The following TPRX1 variants were observed in gnomAD, a reference collection of about 807,000 sequenced individuals.
The protein encoded by TPRX1 is tetrapeptide repeat homeobox 1, also known as tetra-peptide repeat homeobox protein 1.
In TPRX1, 2 loss-of-function variants were observed where a neutral mutation model predicts 8.1. The observed-to-expected ratio is 0.25, with a 90% CI of 0.10 to 0.78. TPRX1 has a LOEUF of 0.78. Among genes scored for constraint, TPRX1 ranks in the 30% least tolerant of loss-of-function variants. TPRX1 has a pLI of 0.70. For missense variants in TPRX1, 517 were observed against 586.9 expected (o/e 0.88, Z 1.23); for synonymous variants, 257 against 254.1 (o/e 1.01, Z -0.11).
At chr19:47,816,227 C>T (rs982942466) in intron 2 of TPRX1, among the ~76,000 whole-genome samples, 1 of 147,074 alleles carries the variant, frequency 6.8e-6, no homozygotes, top group Non-Finnish European at 1.5e-5. Context: ...CACCACCATA[C>T]AGCTAATTTT....
At chr19:47,815,114 T>TTATATATATATATATATATATGCAAA (rs1967819540) in intron 2 of TPRX1, among the ~76,000 whole-genome samples, 3 of 63,390 alleles carry the variant, frequency 4.7e-5, no homozygotes, top group East Asian at 7.9e-4. Flanking sequence ...AATAGATAAA[T>TTATATATATATATATATATATGCAAA]TATATATATA....
chr19:47,815,123 T>TATATGCAA (rs1555800009), intron 2 of TPRX1, among the ~76,000 whole-genome samples: 1 of 93,804 alleles, frequency 1.1e-5, no homozygotes. Context: ...ATTATATATA[T>TATATGCAA]ATATATATAT....
At chr19:47,803,381 C>T in intron 3 of TPRX1, 123 bp downstream of exon 2, 1 of 692,584 alleles carries the variant, frequency 1.4e-6, no homozygotes, top group Non-Finnish European at 2.6e-6. Context: ...CTGGTCTACA[C>T]TGGCGGGACC....
exon 4 of TPRX1, chr19:47,801,900 T>G: frequency 1.9e-6 from 3 of 1,614,128 alleles, no homozygotes; most frequent in Non-Finnish European, 2.5e-6. Context: ...TGAGAGGTCA[T>G]GGTGGAGACT....
chr19:47,802,120 G>T (rs767804084), exon 4 of TPRX1: 80 of 1,585,530 alleles, frequency 5.0e-5, no homozygotes, highest in Non-Finnish European at 6.9e-5. Context: ...CTGGAAGTGA[G>T]CCAGGGCTTC....
At chr19:47,803,335 C>G in intron 3 of TPRX1, among the ~76,000 whole-genome samples, 169 bp downstream of exon 2, 1 of 151,560 alleles carries the variant, frequency 6.6e-6, no homozygotes, top group South Asian at 2.1e-4. Context: ...CGAGTTTGGG[C>G]TAGCATAGAG....
intron 2 of TPRX1, among the ~76,000 whole-genome samples, chr19:47,813,108 AAAATAAATAAATAAAT>A (rs373835462): frequency 1.5e-5 from 2 of 134,444 alleles, no homozygotes; most frequent in Non-Finnish European, 3.1e-5. Flanking sequence ...CTGTGTCTCA[AAAATAAATAAATAAAT>A]AAATAAATAA....
chr19:47,815,491 T>C (rs999608197), intron 2 of TPRX1, among the ~76,000 whole-genome samples: 16 of 149,146 alleles, frequency 1.1e-4, no homozygotes, highest in Non-Finnish European at 5.9e-5. Context: ...TCTTCAAAAG[T>C]GTTTTTAAAA....
rs150023921 is a variant in TPRX1 at position 47,817,474 on chromosome 19, G to A, written c.151+994C>T. On this transcript the variant is annotated intron_variant, in intron 2 of 3. Coordinates refer to ENST00000535759, the Ensembl canonical transcript of TPRX1. ...GGTGATATGGCCTCTTAGGATGCTC[G>A]CCACAGCCCCACGGAGCTCAGAGGT... Among the ~76,000 whole-genome samples the A allele has an allele frequency of 3.3e-5, 5 of 152,278 alleles. No individual in the cohort carries two copies. In the South Asian group the frequency reaches 8.3e-4, roughly 25 times the overall value.
At chr19:47,809,631 C>G (rs562199531) in intron 2 of TPRX1, among the ~76,000 whole-genome samples, 1 of 152,008 alleles carries the variant, frequency 6.6e-6, no homozygotes, top group Non-Finnish European at 1.5e-5. Flanking sequence ...AAGTAATTAC[C>G]CAGAGATGAC....
chr19:47,807,963 C>G (rs1967749377), intron 2 of TPRX1, among the ~76,000 whole-genome samples: 1 of 152,004 alleles, frequency 6.6e-6, no homozygotes, highest in South Asian at 2.1e-4. Flanking sequence ...GGGTCTTGCT[C>G]TGTTGCCCAG....
chr19:47,808,565 C>G (rs1018529210), intron 2 of TPRX1, among the ~76,000 whole-genome samples: 1 of 151,994 alleles, frequency 6.6e-6, no homozygotes, highest in African/African-American at 2.4e-5. Flanking sequence ...TTCCGAGTAG[C>G]TGGGACTACA....
chr19:47,818,640 AC>A (rs1967873320), intron 1 of TPRX1: 29 of 436,206 alleles, frequency 6.6e-5, no homozygotes, highest in South Asian at 4.8e-4. Context: ...TATGAGGAGC[AC>A]CCCCATCCTG....
chr19:47,812,561 CTG>C (rs1967793496), intron 2 of TPRX1, among the ~76,000 whole-genome samples: 1 of 151,966 alleles, frequency 6.6e-6, no homozygotes, highest in South Asian at 2.1e-4. Flanking sequence ...TGGTGAAACT[CTG>C]TCTCTACTAA....
intron 2 of TPRX1, among the ~76,000 whole-genome samples, chr19:47,807,056 C>T (rs527947109): frequency 1.3e-5 from 2 of 152,024 alleles, no homozygotes; most frequent in East Asian, 3.9e-4. Context: ...AGGCATGCAC[C>T]ACCACGCCCA....
intron 2 of TPRX1, among the ~76,000 whole-genome samples, chr19:47,815,114 T>TTATATATATATATATATATATATGCAAA (rs1967819563): frequency 1.6e-4 from 10 of 63,364 alleles, no homozygotes; most frequent in African/African-American, 6.9e-4. Flanking sequence ...AATAGATAAA[T>TTATATATATATATATATATATATGCAAA]TATATATATA....
At chr19:47,812,743 A>G (rs146031766) in intron 2 of TPRX1, among the ~76,000 whole-genome samples, 54 of 152,084 alleles carry the variant, frequency 3.6e-4, no homozygotes, top group African/African-American at 1.3e-3. Context: ...GTTAAGTGAG[A>G]AACACTGCAC....
chr19:47,813,441 G>A (rs1370181607), intron 2 of TPRX1, among the ~76,000 whole-genome samples: 1 of 152,156 alleles, frequency 6.6e-6, no homozygotes, highest in African/African-American at 2.4e-5. Flanking sequence ...AGGGAATCGG[G>A]TCCTTGTAGA....
intron 2 of TPRX1, among the ~76,000 whole-genome samples, chr19:47,807,973 G>A (rs1967749479): frequency 6.6e-6 from 1 of 152,094 alleles, no homozygotes; most frequent in African/African-American, 2.4e-5. Context: ...CTGTTGCCCA[G>A]ATTGGAGTGC....
Sources: gnomAD v4.1 joint callset for allele counts (sites outside exome capture counted in the v4.1 genomes callset) on GRCh38, gnomAD v4.1.1 for gene constraint, MANE v1.5 for transcripts, NCBI Gene and HGNC (gene_info 2026-07-23, HGNC 2026-07-21) for gene names.